The following FER variants were observed in gnomAD, a reference collection of about 807,000 sequenced individuals.
FER encodes tyrosine-protein kinase Fer.
In FER, 63 loss-of-function variants were observed where a neutral mutation model predicts 111.0. The ratio of observed to expected loss-of-function variants is 0.57; its 90% CI spans 0.46 to 0.70. The LOEUF is 0.70. Ranked by LOEUF, FER falls within the 30% of genes least tolerant of loss-of-function variation. The probability of loss-of-function intolerance (pLI) is 0.00; values close to 1 mark genes in which losing one functional copy is unlikely to be tolerated. For synonymous variants in FER, 327 were observed against 313.9 expected, an observed-to-expected ratio of 1.04 and a Z score of -0.44; for missense variants, 914 against 954.0, an observed-to-expected ratio of 0.96 and a Z score of 0.55.
intron 5 of FER, among the ~76,000 whole-genome samples, chr5:108,867,016 A>G (rs1214199933): frequency 6.6e-6 from 1 of 152,158 alleles, no homozygotes; most frequent in African/African-American, 2.4e-5. Flanking sequence ...TTCAGCACCT[A>G]GAACTGCACT....
chr5:109,130,390 G>A (rs1019245922), intron 17 of FER, among the ~76,000 whole-genome samples: 1 of 151,990 alleles, frequency 6.6e-6, no homozygotes, highest in Non-Finnish European at 1.5e-5. Context: ...ATGCCATAGT[G>A]TATATAGTCC....
intron 13 of FER, among the ~76,000 whole-genome samples, chr5:108,992,984 G>C (rs920744223): frequency 2.0e-5 from 3 of 150,270 alleles, no homozygotes; most frequent in Non-Finnish European, 4.4e-5. Context: ...ATGGGATGGC[G>C]GCCGGGAAGA....
intron 2 of FER, among the ~76,000 whole-genome samples, chr5:108,792,558 A>T (rs1407323436): frequency 1.3e-5 from 2 of 151,922 alleles, no homozygotes; most frequent in East Asian, 3.9e-4. Flanking sequence ...GCTGGTCCCA[A>T]ACTCCTGACC....
chr5:109,182,198 G>T (rs1346029507), intron 18 of FER, among the ~76,000 whole-genome samples: 1 of 152,164 alleles, frequency 6.6e-6, no homozygotes, highest in Admixed American at 6.6e-5. Context: ...AAGTCATATG[G>T]TAATTTTATG....
At chr5:109,040,813 T>C (rs1405945407) in intron 14 of FER, among the ~76,000 whole-genome samples, 1 of 152,134 alleles carries the variant, frequency 6.6e-6, no homozygotes, top group East Asian at 1.9e-4. Context: ...GGGATGAACA[T>C]TGCTAGAGCG....
chr5:108,831,115 A>G (rs1234998522), intron 3 of FER, among the ~76,000 whole-genome samples: 1 of 152,128 alleles, frequency 6.6e-6, no homozygotes, highest in African/African-American at 2.4e-5. Flanking sequence ...AATCTGACCC[A>G]ATTGTGTGGT....
At chr5:108,974,891 G>C (rs1186662009) in intron 13 of FER, among the ~76,000 whole-genome samples, 1 of 152,120 alleles carries the variant, frequency 6.6e-6, no homozygotes, top group Admixed American at 6.5e-5. Context: ...AGCCCCAAGA[G>C]ACTCATTCTG....
intron 17 of FER, among the ~76,000 whole-genome samples, chr5:109,105,343 C>T (rs142769137): frequency 2.7e-5 from 4 of 150,506 alleles, no homozygotes; most frequent in East Asian, 3.9e-4. Flanking sequence ...ACATTTTTCC[C>T]GATGATCTTT....
intron 13 of FER, chr5:109,014,709 C>T (rs1766803305): frequency 6.6e-6 from 1 of 152,130 alleles, no homozygotes; most frequent in South Asian, 2.1e-4. Context: ...TCTTCCTACC[C>T]ATGAACATGG....
At chr5:108,975,261 G>A (rs115289738) in intron 13 of FER, among the ~76,000 whole-genome samples, 1,536 of 152,174 alleles carry the variant, frequency 0.01, 22 homozygotes, top group African/African-American at 0.035. Context: ...GGGTTGAGGG[G>A]CAAGGGAGAG....
At chr5:108,780,517 C>A (rs182925917) in intron 2 of FER, among the ~76,000 whole-genome samples, 2 of 151,484 alleles carry the variant, frequency 1.3e-5, no homozygotes, top group Admixed American at 1.3e-4. Flanking sequence ...TGTCTTTTTT[C>A]CACTGTCTTC....
intron 16 of FER, among the ~76,000 whole-genome samples, chr5:109,048,950 A>C (rs1174230722): frequency 6.6e-6 from 1 of 152,078 alleles, no homozygotes; most frequent in African/African-American, 2.4e-5. Flanking sequence ...GTGGATTTAC[A>C]TAATTTATTC....
chr5:109,157,147 C>T (rs1053855264), intron 17 of FER, among the ~76,000 whole-genome samples: 24 of 152,074 alleles, frequency 1.6e-4, no homozygotes, highest in African/African-American at 5.8e-4. Flanking sequence ...TAGCCCCTTA[C>T]TCTCTCCAAA....
At chr5:108,781,143 C>T (rs1398056810) in intron 2 of FER, among the ~76,000 whole-genome samples, 1 of 152,140 alleles carries the variant, frequency 6.6e-6, no homozygotes, top group Non-Finnish European at 1.5e-5. Context: ...CATCCTTTGC[C>T]ATGTCTGAGT....
At chr5:108,890,897 T>A (rs1226143850) in intron 9 of FER, among the ~76,000 whole-genome samples, 1 of 152,158 alleles carries the variant, frequency 6.6e-6, no homozygotes, top group East Asian at 1.9e-4. Flanking sequence ...TTACAATTTT[T>A]CTGGAGTAAC....
At chr5:109,051,016 G>T (rs533579795) in intron 16 of FER, among the ~76,000 whole-genome samples, 1 of 152,230 alleles carries the variant, frequency 6.6e-6, no homozygotes, top group South Asian at 2.1e-4. Context: ...TTTGCTGGGA[G>T]AAAAAGCCCT....
intron 8 of FER, among the ~76,000 whole-genome samples, chr5:108,879,701 A>AAAAAAATATATATATATATATATATAT: frequency 1.0e-5 from 1 of 99,128 alleles, no homozygotes; most frequent in Admixed American, 9.9e-5. Context: ...ATTAAAAAAA[A>AAAAAAATATATATATATATATATATAT]ATATATATAT....
chr5:108,894,580 C>A, intron 9 of FER: 1 of 403,848 alleles, frequency 2.5e-6, no homozygotes, highest in South Asian at 2.3e-5. Flanking sequence ...TTCTTGAGTT[C>A]CACGACCACA....
intron 16 of FER, among the ~76,000 whole-genome samples, chr5:109,091,970 C>G (rs1746821273): frequency 6.6e-6 from 1 of 151,918 alleles, no homozygotes. Flanking sequence ...AAGGGACTAG[C>G]TAGGGGTCCT....
Sources: allele counts gnomAD v4.1 joint callset (sites outside exome capture counted in the v4.1 genomes callset), GRCh38; gene constraint gnomAD v4.1.1; transcripts MANE v1.5; gene names NCBI Gene and HGNC (gene_info 2026-07-23, HGNC 2026-07-21).